HTT: variants seen among roughly 807,000 people sequenced by gnomAD.
The protein encoded by HTT is huntington disease protein.
In HTT, 104 loss-of-function variants were observed where a neutral mutation model predicts 362.3. That is an observed-to-expected ratio of 0.29 (90% CI 0.24 to 0.34). The LOEUF is 0.34. HTT is among the 10% of genes least tolerant of loss of function. The pLI is 1.00. For synonymous variants in HTT, 1,577 were observed against 1,548.7 expected (o/e 1.02, Z -0.43); for missense variants, 3,301 against 3,928.6 (o/e 0.84, Z 4.27).
intron 51 of HTT, among the ~76,000 whole-genome samples, 183 bp from the exon 52 acceptor site, chr4:3,217,582 T>C (rs1157478250): frequency 1.3e-5 from 2 of 151,644 alleles, no homozygotes; most frequent in African/African-American, 4.9e-5. Context: ...CAGCAGAAAA[T>C]GGGGAGAATT....
chr4:3,220,087 G>A, intron 52 of HTT, 95 bp from the exon 53 acceptor site: 4 of 1,390,236 alleles, frequency 2.9e-6, no homozygotes, highest in Non-Finnish European at 3.0e-6. Flanking sequence ...TAGTGAGGAG[G>A]GAGCCCAGTG....
chr4:3,191,247 C>T (rs1237565285), intron 40 of HTT, among the ~76,000 whole-genome samples: 3 of 151,814 alleles, frequency 2.0e-5, no homozygotes, highest in African/African-American at 7.3e-5. Context: ...CATCTCGGCT[C>T]ACCGCAACCT....
chr4:3,082,364 A>G (rs1196228974), intron 1 of HTT, among the ~76,000 whole-genome samples: 3 of 151,962 alleles, frequency 2.0e-5, no homozygotes, highest in Non-Finnish European at 4.4e-5. Flanking sequence ...ACTACCTTTG[A>G]ATGGATCCAC....
chr4:3,126,864 T>C (rs898773686), intron 11 of HTT, among the ~76,000 whole-genome samples: 7 of 152,220 alleles, frequency 4.6e-5, no homozygotes, highest in African/African-American at 1.7e-4. Flanking sequence ...AGTTGACAGT[T>C]GTTTCTGACC....
In HTT at chr4:3,186,708, C is replaced by T; in HGVS notation, c.4978C>T (p.Pro1660Ser). The T allele has an allele frequency of 1.2e-6, 2 of 1,613,660 alleles. No individual in the cohort carries two copies. The highest frequency in any genetic ancestry group is 1.7e-6 in the Non-Finnish European group (2 of 1,179,704). Reference protein sequence around the residue: ...DMLLRSMFVTPNTMASVSTVQ... With the variant: ...DMLLRSMFVTSNTMASVSTVQ... ...GCTTTTACGGAGTATGTTCGTCACTCCAAACACAATGGTGAGTCTCTCGCC... is the reference window on the plus strand; with the variant it reads ...GCTTTTACGGAGTATGTTCGTCACTTCAAACACAATGGTGAGTCTCTCGCC... Residue 1660 changes from proline to serine, a missense_variant, in exon 38 of 67, where the codon CCA (proline) becomes TCA (serine). Physicochemically the swap from Pro to Ser is moderately conservative, Grantham distance 74. Around this residue, in one of 4 missense-constraint regions of HTT, gnomAD observed 2,316 missense variants for 2,658.5 expected, o/e 0.87. Transcript: ENST00000355072.
intron 13 of HTT, 70 bp downstream of exon 13, chr4:3,130,117 T>C: frequency 6.8e-7 from 1 of 1,462,330 alleles, no homozygotes; most frequent in Non-Finnish European, 9.2e-7. Context: ...ATTATATCTT[T>C]GCTTCCAAGA....
chr4:3,211,773 G>A (rs1720171919), intron 47 of HTT, 156 bp from the exon 48 acceptor site: 2 of 595,490 alleles, frequency 3.4e-6, no homozygotes, highest in Non-Finnish European at 6.0e-6. Context: ...AACAGGCATA[G>A]AGTAGAATTT....
chr4:3,221,014 T>G (rs563286446), intron 53 of HTT, among the ~76,000 whole-genome samples: 56 of 152,346 alleles, frequency 3.7e-4, no homozygotes, highest in South Asian at 3.1e-3. Flanking sequence ...TTTGCCCCTA[T>G]TTGATGGCAA....
intron 29 of HTT, among the ~76,000 whole-genome samples, chr4:3,164,631 T>C (rs1322741834): frequency 6.6e-6 from 1 of 152,220 alleles, no homozygotes; most frequent in Non-Finnish European, 1.5e-5. Context: ...ATATTTAGGA[T>C]AGTTAGCTCT....
At chr4:3,188,737 C>A (rs1014768945) in intron 39 of HTT, 58 of 511,700 alleles carry the variant, frequency 1.1e-4, no homozygotes, top group Admixed American at 1.0e-4. Context: ...TAAAAAAATG[C>A]TACCTGCCAT....
chr4:3,153,320 G>T (rs1716989049), intron 26 of HTT, among the ~76,000 whole-genome samples: 1 of 152,034 alleles, frequency 6.6e-6, no homozygotes, highest in Non-Finnish European at 1.5e-5. Context: ...GTATAAATTT[G>T]GGGGACTATA....
chr4:3,187,512 A>G (rs1317755901), intron 38 of HTT, 139 bp from the exon 39 acceptor site: 11 of 653,966 alleles, frequency 1.7e-5, no homozygotes, highest in Non-Finnish European at 2.2e-5. Context: ...CTGGGAGCAC[A>G]CTTTGGGACT....
At chr4:3,116,600 A>C (rs556135975) in intron 8 of HTT, among the ~76,000 whole-genome samples, 42 of 152,288 alleles carry the variant, frequency 2.8e-4, no homozygotes, top group African/African-American at 9.9e-4. Context: ...GCTCTGGGAT[A>C]GGGGCTGGGT....
chr4:3,178,945 CAAGCCCCCAGCCTGTGG>C (rs1718370935), intron 35 of HTT, among the ~76,000 whole-genome samples: 2 of 152,198 alleles, frequency 1.3e-5, no homozygotes, highest in Non-Finnish European at 2.9e-5. Context: ...GCCAGCTGTG[CAAGCCCCCAGCCTGTGG>C]AAGGAGCTAG....
At chr4:3,077,565 G>GC (rs1712624594) in intron 1 of HTT, among the ~76,000 whole-genome samples, 1 of 151,908 alleles carries the variant, frequency 6.6e-6, no homozygotes. Flanking sequence ...GATTACAGGC[G>GC]CCCACCACCA....
intron 1 of HTT, among the ~76,000 whole-genome samples, chr4:3,082,112 CAT>C (rs1712944015): frequency 6.6e-6 from 1 of 151,250 alleles, no homozygotes; most frequent in South Asian, 2.1e-4. Flanking sequence ...GATCACATTA[CAT>C]ATGTATTTTT....
chr4:3,157,651 T>C (rs1717215603), intron 28 of HTT, among the ~76,000 whole-genome samples: 1 of 152,226 alleles, frequency 6.6e-6, no homozygotes, highest in African/African-American at 2.4e-5. Context: ...CTGGGCATGG[T>C]GAGCCACTTG....
chr4:3,096,225 A>G (rs754362806), intron 2 of HTT, among the ~76,000 whole-genome samples: 3 of 152,262 alleles, frequency 2.0e-5, no homozygotes, highest in Admixed American at 1.3e-4. Flanking sequence ...GCTAAAATAC[A>G]TGAAGCAAAG....
Position 3,121,379 on chromosome 4 carries a change from C to G in HTT, c.1220C>G (p.Ala407Gly), listed in dbSNP as rs1177733862. Residue 407 changes from alanine (A) to glycine (G), a missense_variant, in exon 9 of 67, where the codon GCT becomes GGT. Ala to Gly is a moderately conservative substitution (Grantham distance 60). Coordinates refer to ENST00000355072, the MANE Select transcript of HTT (RefSeq NM_001388492.1). ...AVGGIGQLTA[A>G]KEESGGRSRS... ...GGGGGCATTGGGCAGCTCACCGCTG[C>G]TAAGGAGGAGTCTGGTGGCCGAAGC... The G allele has an allele frequency of 6.2e-7, 1 of 1,614,122 alleles. No individual in the cohort carries two copies. The highest frequency in any genetic ancestry group is 1.7e-5 in the Admixed American group (1 of 60,016).
Sources: allele counts gnomAD v4.1 joint callset (sites outside exome capture counted in the v4.1 genomes callset), GRCh38; gene constraint gnomAD v4.1.1; regional missense constraint gnomAD v4.1.1; transcripts MANE v1.5; gene names NCBI Gene and HGNC (gene_info 2026-07-23, HGNC 2026-07-21).